SORCS3: variants seen among roughly 807,000 people sequenced by gnomAD.
SORCS3 encodes the protein sortilin related VPS10 domain containing receptor 3.
In SORCS3, 57 loss-of-function variants were observed where a neutral mutation model predicts 146.3. The observed-to-expected ratio is 0.39, with a 90% CI of 0.31 to 0.49. The LOEUF is 0.49. Ranked by LOEUF, SORCS3 falls within the 20% of genes least tolerant of loss-of-function variation. The probability of loss-of-function intolerance (pLI) is 0.92; values close to 1 mark genes in which losing one functional copy is unlikely to be tolerated. For synonymous variants in SORCS3, 653 were observed against 618.5 expected (o/e 1.06, Z -0.83); for missense variants, 1,341 against 1,575.5 (o/e 0.85, Z 2.52).
At chr10:104,966,213 C>T (rs928128271) in intron 3 of SORCS3, among the ~76,000 whole-genome samples, 15 of 151,878 alleles carry the variant, frequency 9.9e-5, no homozygotes, top group African/African-American at 3.4e-4. Flanking sequence ...CAAAATGTCC[C>T]CTTGGCATGA....
At chr10:105,163,228 C>A (rs1185520525) in intron 11 of SORCS3, among the ~76,000 whole-genome samples, 2 of 152,146 alleles carry the variant, frequency 1.3e-5, no homozygotes, top group East Asian at 3.9e-4. Context: ...GCTTTAATTT[C>A]TCATCTTGAA....
At chr10:104,780,634 A>G (rs957674104) in intron 1 of SORCS3, among the ~76,000 whole-genome samples, 10 of 152,248 alleles carry the variant, frequency 6.6e-5, no homozygotes, top group African/African-American at 2.4e-4. Context: ...CTGCTGAGGT[A>G]TGAAACCAGA....
At chr10:104,988,306 A>C (rs1042850313) in intron 4 of SORCS3, among the ~76,000 whole-genome samples, 1 of 152,168 alleles carries the variant, frequency 6.6e-6, no homozygotes, top group African/African-American at 2.4e-5. Flanking sequence ...AGAGAGCACA[A>C]TAGAGTAAGA....
At chr10:105,254,833 A>G (rs961030346) in intron 23 of SORCS3, among the ~76,000 whole-genome samples, 1 of 152,050 alleles carries the variant, frequency 6.6e-6, no homozygotes, top group Non-Finnish European at 1.5e-5. Flanking sequence ...CTGTATATGC[A>G]GGTTTCACAT....
At chr10:105,100,870 T>C (rs1030746949) in intron 6 of SORCS3, among the ~76,000 whole-genome samples, 3 of 152,250 alleles carry the variant, frequency 2.0e-5, no homozygotes, top group Non-Finnish European at 4.4e-5. Context: ...ACAATTTTCA[T>C]GCATAATCTT....
chr10:105,199,301 A>G (rs1025134175), intron 14 of SORCS3, among the ~76,000 whole-genome samples: 3 of 151,976 alleles, frequency 2.0e-5, no homozygotes, highest in African/African-American at 7.3e-5. Context: ...CTGGGCTTTG[A>G]AAAGGTCAGT....
intron 1 of SORCS3, among the ~76,000 whole-genome samples, chr10:104,832,588 C>T (rs766197752): frequency 3.9e-5 from 6 of 152,134 alleles, no homozygotes; most frequent in East Asian, 1.9e-4. Flanking sequence ...CATGGTGACA[C>T]GTGCTCGTAA....
At chr10:105,174,674 A>G (rs1383685614) in intron 13 of SORCS3, among the ~76,000 whole-genome samples, 1 of 152,008 alleles carries the variant, frequency 6.6e-6, no homozygotes, top group Non-Finnish European at 1.5e-5. Flanking sequence ...TTTGGGCTTC[A>G]GTTATTGTCT....
chr10:105,239,934 A>C (rs2056813298), intron 20 of SORCS3, among the ~76,000 whole-genome samples: 1 of 152,232 alleles, frequency 6.6e-6, no homozygotes, highest in Non-Finnish European at 1.5e-5. Context: ...GAGAAACAAA[A>C]GCAATTTGGA....
At chr10:105,139,850 C>T (rs188027021) in intron 8 of SORCS3, among the ~76,000 whole-genome samples, 10 of 152,236 alleles carry the variant, frequency 6.6e-5, no homozygotes, top group East Asian at 1.9e-4. Context: ...GGAGGACAGA[C>T]GCATAAAAGT....
chr10:105,198,674 A>C (rs892793098), intron 14 of SORCS3, among the ~76,000 whole-genome samples: 2 of 152,166 alleles, frequency 1.3e-5, no homozygotes, highest in Non-Finnish European at 2.9e-5. Flanking sequence ...CCACAGTGTC[A>C]GCTGCATATG....
At chr10:104,860,342 G>GAT in intron 2 of SORCS3, among the ~76,000 whole-genome samples, 1 of 47,164 alleles carries the variant, frequency 2.1e-5, no homozygotes, top group East Asian at 2.6e-3. Flanking sequence ...CACCGCGTTT[G>GAT]CTCACTCATA....
chr10:104,975,593 G>A lies in SORCS3; in HGVS notation c.796-1742G>A, dbSNP rs1316250959. On this transcript the variant is annotated intron_variant, in intron 3 of 26. Coordinates refer to ENST00000369701, the MANE Select transcript of SORCS3 (RefSeq NM_014978.3). ...TTCATATGGAGCCAAAAAAGAGCCC[G>A]CATCGCCAAGTCAATCCTAAGCCAA... is the stretch of plus-strand genomic sequence containing the variant. 1.5e-4 allele frequency among the ~76,000 whole-genome samples: 23 copies of A among 152,226 alleles called. 1 individual carries two copies. Among genetic ancestry groups the A allele is most frequent in the Non-Finnish European group, 2.1e-4 (14 of 68,006 alleles).
intron 2 of SORCS3, among the ~76,000 whole-genome samples, chr10:104,874,660 T>C (rs1406083571): frequency 6.6e-6 from 1 of 152,170 alleles, no homozygotes. Flanking sequence ...ATTCCAGCTT[T>C]GTGAAGGTGT....
chr10:105,157,748 A>G (rs2056223928), intron 10 of SORCS3, among the ~76,000 whole-genome samples: 1 of 152,132 alleles, frequency 6.6e-6, no homozygotes, highest in Non-Finnish European at 1.5e-5. Context: ...TTCCTGTTGT[A>G]TGGGATATTG....
chr10:104,946,404 C>A (rs548495254), intron 3 of SORCS3, among the ~76,000 whole-genome samples: 1 of 152,188 alleles, frequency 6.6e-6, no homozygotes, highest in African/African-American at 2.4e-5. Context: ...CATGTCCTTT[C>A]TCTCTTTCTC....
At chr10:104,736,876 A>G (rs898310520) in intron 1 of SORCS3, among the ~76,000 whole-genome samples, 25 of 151,618 alleles carry the variant, frequency 1.6e-4, no homozygotes, top group African/African-American at 5.6e-4. Context: ...GGTGTGCTGC[A>G]CCCATTAACT....
chr10:105,145,002 C>G (rs947905567), intron 8 of SORCS3, among the ~76,000 whole-genome samples: 3 of 152,116 alleles, frequency 2.0e-5, no homozygotes, highest in African/African-American at 7.2e-5. Context: ...CCAGAATCAT[C>G]TGGAGGGCTT....
chr10:105,120,346 T>G (rs955806689), intron 7 of SORCS3, among the ~76,000 whole-genome samples: 1 of 152,216 alleles, frequency 6.6e-6, no homozygotes, highest in Non-Finnish European at 1.5e-5. Context: ...TTACCCAGTC[T>G]TGGGTATTTC....
Sources: gnomAD v4.1 joint callset for allele counts (sites outside exome capture counted in the v4.1 genomes callset) on GRCh38, gnomAD v4.1.1 for gene constraint, MANE v1.5 for transcripts, NCBI Gene and HGNC (gene_info 2026-07-23, HGNC 2026-07-21) for gene names.